ARL15: variants seen among roughly 807,000 people sequenced by gnomAD.
ARL15 encodes ARF like GTPase 15.
A neutral mutation model predicts 25.2 loss-of-function variants in ARL15; 19 were observed. The observed-to-expected ratio is 0.75, with a 90% confidence interval of 0.53 to 1.10. The LOEUF is 1.10. ARL15 is among the 50% of genes least tolerant of loss of function. ARL15 has a pLI of 0.00. For missense variants in ARL15, 220 were observed against 246.0 expected (o/e 0.89, Z 0.71); for synonymous variants, 94 against 86.8 (o/e 1.08, Z -0.46).
At chr5:53,997,821 T>G (rs1748730168) in intron 4 of ARL15, among the ~76,000 whole-genome samples, 1 of 151,764 alleles carries the variant, frequency 6.6e-6, no homozygotes. Flanking sequence ...AATCTCCACT[T>G]AAAAAAAAGA....
intron 4 of ARL15, among the ~76,000 whole-genome samples, chr5:53,977,278 C>G (rs945361279): frequency 6.6e-6 from 1 of 151,324 alleles, no homozygotes; most frequent in Non-Finnish European, 1.5e-5. Context: ...ATGGCGTGAA[C>G]CCGGGAGGCG....
chr5:54,071,510 T>TTCCCC (rs1751417503), intron 4 of ARL15, among the ~76,000 whole-genome samples: 5 of 64,052 alleles, frequency 7.8e-5, no homozygotes, highest in Non-Finnish European at 1.4e-4. Flanking sequence ...CCACCGCCTT[T>TTCCCC]CCCCCCCCCC....
chr5:54,243,947 A>C (rs1757022209), intron 1 of ARL15, among the ~76,000 whole-genome samples: 1 of 152,224 alleles, frequency 6.6e-6, no homozygotes, highest in African/African-American at 2.4e-5. Context: ...GTTAGGACTG[A>C]GCAAGTATGG....
chr5:54,230,314 C>G (rs1304488031), intron 1 of ARL15, among the ~76,000 whole-genome samples: 4 of 141,676 alleles, frequency 2.8e-5, no homozygotes, highest in African/African-American at 1.1e-4. Context: ...CCACTGCACT[C>G]CAGCCTGGAG....
intron 4 of ARL15, among the ~76,000 whole-genome samples, chr5:54,079,759 C>T (rs1329879786): frequency 6.6e-6 from 1 of 152,098 alleles, no homozygotes; most frequent in Non-Finnish European, 1.5e-5. Context: ...CACCAGCGGT[C>T]AGGAGTTCCA....
At chr5:53,894,369 G>A (rs1452460610) in intron 4 of ARL15, among the ~76,000 whole-genome samples, 3 of 152,186 alleles carry the variant, frequency 2.0e-5, no homozygotes, top group Non-Finnish European at 4.4e-5. Context: ...ATGCACGGGA[G>A]AAGTTAGTAT....
Position 54,119,410 on chromosome 5 carries a change from C to T in ARL15, c.254-6000G>A, listed in dbSNP as rs183480234. Among the ~76,000 whole-genome samples the T allele has an allele frequency of 3.1e-4, 47 of 152,046 alleles. No homozygotes were observed. In the East Asian group the frequency reaches 6.4e-3, roughly 21 times the overall value. On this transcript the variant is annotated intron_variant, in intron 3 of 4. Coordinates refer to ENST00000504924, the MANE Select transcript of ARL15 (RefSeq NM_019087.3). ...ACCCCTTGAACTTGGATTTCCTAGC[C>T]GTACCGAGCCAAAAAAAACTCCTAT... is the stretch of plus-strand genomic sequence containing the variant.
chr5:53,943,229 A>G (rs567280071), intron 4 of ARL15, among the ~76,000 whole-genome samples: 3 of 152,320 alleles, frequency 2.0e-5, no homozygotes, highest in African/African-American at 7.2e-5. Context: ...AGAGAAGAAC[A>G]AAGTGATGAT....
chr5:54,145,632 G>A (rs564846176), intron 3 of ARL15, among the ~76,000 whole-genome samples: 3 of 149,662 alleles, frequency 2.0e-5, no homozygotes, highest in South Asian at 2.1e-4. Context: ...GTGTGCGTGC[G>A]TGTGTGTGTG....
At chr5:53,916,742 A>G (rs965191333) in intron 4 of ARL15, among the ~76,000 whole-genome samples, 7 of 152,124 alleles carry the variant, frequency 4.6e-5, no homozygotes, top group African/African-American at 1.7e-4. Context: ...ACAGCCTCCA[A>G]CATAATTTCC....
At chr5:54,100,740 A>G (rs974674762) in intron 4 of ARL15, among the ~76,000 whole-genome samples, 4 of 152,128 alleles carry the variant, frequency 2.6e-5, no homozygotes, top group African/African-American at 9.6e-5. Context: ...ATATTAATAT[A>G]TAGTCTATGT....
At chr5:54,222,833 A>AT (rs1303773200) in intron 1 of ARL15, among the ~76,000 whole-genome samples, 3 of 151,516 alleles carry the variant, frequency 2.0e-5, no homozygotes, top group Non-Finnish European at 2.9e-5. Flanking sequence ...TTTATTTTTT[A>AT]TTTTTTTTGA....
At chr5:54,154,388 T>C (rs1002563817) in intron 3 of ARL15, 192 bp downstream of exon 3, 2 of 450,556 alleles carry the variant, frequency 4.4e-6, no homozygotes, top group African/African-American at 2.1e-5. Flanking sequence ...CCAAAGTTTA[T>C]GTTACTTAGA....
intron 3 of ARL15, among the ~76,000 whole-genome samples, chr5:54,138,387 C>G (rs1245790821): frequency 1.3e-5 from 2 of 152,138 alleles, no homozygotes; most frequent in Non-Finnish European, 1.5e-5. Flanking sequence ...AACCAACTGA[C>G]CTTTGGCAAA....
chr5:54,023,626 C>T (rs1013663711), intron 4 of ARL15, among the ~76,000 whole-genome samples: 3 of 152,082 alleles, frequency 2.0e-5, no homozygotes, highest in African/African-American at 7.2e-5. Flanking sequence ...ATGTGCTTAA[C>T]TGAAGAAGAA....
At chr5:54,017,714 A>G (rs1205533594) in intron 4 of ARL15, among the ~76,000 whole-genome samples, 1 of 152,120 alleles carries the variant, frequency 6.6e-6, no homozygotes, top group Non-Finnish European at 1.5e-5. Context: ...GGTCTTTTGA[A>G]AACTAGTTTT....
chr5:54,205,746 T>C (rs765655959), intron 1 of ARL15, among the ~76,000 whole-genome samples: 35 of 152,190 alleles, frequency 2.3e-4, no homozygotes, highest in Admixed American at 1.3e-4. Context: ...GTGAAAGCCA[T>C]GTTCCTGTCC....
intron 4 of ARL15, among the ~76,000 whole-genome samples, chr5:54,065,146 A>C (rs181539807): frequency 0.015 from 2,310 of 152,314 alleles, 22 homozygotes; most frequent in Admixed American, 0.021. Flanking sequence ...AGTAAAATGC[A>C]AAATAAAAGA....
chr5:54,199,429 A>G (rs1463027991), intron 1 of ARL15, among the ~76,000 whole-genome samples: 9 of 151,850 alleles, frequency 5.9e-5, no homozygotes, highest in Admixed American at 5.9e-4. Context: ...AGAATCTACA[A>G]TGAACTCTAA....
Sources: allele counts gnomAD v4.1 joint callset (sites outside exome capture counted in the v4.1 genomes callset), GRCh38; gene constraint gnomAD v4.1.1; transcripts MANE v1.5; gene names NCBI Gene and HGNC (gene_info 2026-07-23, HGNC 2026-07-21).